Variants in CAMK2A observed in about 807,000 individuals in gnomAD.
CAMK2A encodes the protein calcium/calmodulin-dependent protein kinase type II subunit alpha.
Under a neutral mutation model 79.2 loss-of-function variants are expected in CAMK2A, and 7 were observed. That is an observed-to-expected ratio of 0.09 (90% CI 0.05 to 0.17). The LOEUF is 0.17. Ranked by LOEUF, CAMK2A falls within the 10% of genes least tolerant of loss-of-function variation. CAMK2A has a pLI of 1.00. For missense variants in CAMK2A, 214 were observed against 646.4 expected, an observed-to-expected ratio of 0.33 and a Z score of 7.25; for synonymous variants, 242 against 251.7, an observed-to-expected ratio of 0.96 and a Z score of 0.36.
Position 150,249,814 on chromosome 5 carries a change from T to C in CAMK2A, c.900+412A>G, listed in dbSNP as rs1024228229. 1.9e-4 allele frequency among the ~76,000 whole-genome samples: 29 copies of C among 152,178 alleles called. No individual in the cohort carries two copies. The East Asian group carries it at 5.2e-3, about 27-fold the overall frequency. On this transcript the variant is annotated intron_variant, in intron 11 of 18. Coordinates refer to ENST00000671881, the MANE Select transcript of CAMK2A (RefSeq NM_015981.4). Reference sequence around the variant, plus strand: ...CTGCCCACCTCAGCCTCCCAAAGTGTTGGGATTACAGGCATGAGTCACTGC... The same window carrying C: ...CTGCCCACCTCAGCCTCCCAAAGTGCTGGGATTACAGGCATGAGTCACTGC...
chr5:150,229,307 A>T (rs189533899), intron 16 of CAMK2A, among the ~76,000 whole-genome samples: 15 of 152,344 alleles, frequency 9.8e-5, no homozygotes, highest in Non-Finnish European at 1.9e-4. Flanking sequence ...GACTGTGCTC[A>T]GACCAAACGG....
intron 6 of CAMK2A, among the ~76,000 whole-genome samples, 156 bp from the exon 7 acceptor site, chr5:150,253,702 G>A (rs1755933696): frequency 6.6e-6 from 1 of 152,212 alleles, no homozygotes; most frequent in Admixed American, 6.5e-5. Context: ...TCAGGCTCCT[G>A]AGTCTCAGTC....
intron 1 of CAMK2A, among the ~76,000 whole-genome samples, chr5:150,275,720 A>G (rs1756917570): frequency 6.6e-6 from 1 of 152,186 alleles, no homozygotes; most frequent in South Asian, 2.1e-4. Context: ...GAACAGCTAG[A>G]TGAGGAGGGG....
chr5:150,282,401 C>G (rs1245794211), intron 1 of CAMK2A, among the ~76,000 whole-genome samples: 1 of 152,212 alleles, frequency 6.6e-6, no homozygotes, highest in East Asian at 1.9e-4. Context: ...TCTATTTTCT[C>G]TTTACAGTGC....
Position 150,222,045 on chromosome 5 carries a change from G to C in CAMK2A, c.*665C>G, listed in dbSNP as rs1754336283. 1 of 180,378 alleles carries C rather than the reference G, an allele frequency of 5.5e-6. No homozygotes were observed. The highest frequency in any genetic ancestry group is 1.2e-5 in the Non-Finnish European group (1 of 85,648). The allele number at this position is 180,378 out of a possible 1,614,324, so 11.2% of individuals were successfully genotyped here. ...GGGATGACGGGGGTGGGGTGGGCAG[G>C]TTAATGTTGGAGGTGGACTTCACCA... On this transcript the variant is annotated 3_prime_UTR_variant, in exon 19 of 19. Transcript: ENST00000671881.
At position 150,221,342 on chromosome 5, in the gene CAMK2A, G is replaced by T. The variant is rs1405862838; in HGVS notation, c.*1368C>A. 2.5e-6 allele frequency: 1 copy of T among 398,142 alleles called. No homozygotes were observed. The highest frequency in any genetic ancestry group is 2.1e-5 in the African/African-American group (1 of 48,542). The allele number at this position is 398,142 out of a possible 1,614,324, so 24.7% of individuals were successfully genotyped here. On this transcript the variant is annotated 3_prime_UTR_variant, in exon 19 of 19. Coordinates refer to ENST00000671881, the MANE Select transcript of CAMK2A (RefSeq NM_015981.4). ...TGCGAACCCGAGGCTGCAGGATGAG[G>T]CATGAAGAGTAGAAATTCCCAGTGC...
intron 16 of CAMK2A, among the ~76,000 whole-genome samples, chr5:150,230,980 G>A (rs1011566959): frequency 1.7e-4 from 26 of 152,172 alleles, no homozygotes; most frequent in African/African-American, 5.1e-4. Context: ...CATCTCCTGA[G>A]GAGGCCCATG....
At position 150,257,612 on chromosome 5, in the gene CAMK2A, G is replaced by T; in HGVS notation, c.223C>A (p.Leu75Ile). ...CCCTCCTCTGAGATGCTGTCATGTA[G>T]TCGGACTGTGGGCGGGGCAAGGCAG... ...RLLKHPNIVR[L>I]HDSISEEGHH... The change falls in exon 4 of 19, where the codon CTA (leucine) becomes ATA (isoleucine). Residue 75 changes from leucine (L) to isoleucine (I), a missense_variant. This residue lies in a region of CAMK2A where 72 missense variants were observed against 333.9 expected (regional missense o/e 0.22). Transcript: ENST00000671881. 1 of 1,568,714 alleles carries T rather than the reference G, an allele frequency of 6.4e-7. No homozygotes were observed. The highest frequency in any genetic ancestry group is 2.4e-5 in the East Asian group (1 of 41,960).
chr5:150,239,806 G>A (rs753956084), intron 13 of CAMK2A, 70 bp from the exon 14 acceptor site: 43 of 1,357,612 alleles, frequency 3.2e-5, no homozygotes, highest in South Asian at 1.3e-4. Context: ...GCAGAGGAAC[G>A]ACAGGGGAGG....
At chr5:150,225,413 G>A (rs1754554008) in intron 17 of CAMK2A, among the ~76,000 whole-genome samples, 1 of 152,224 alleles carries the variant, frequency 6.6e-6, no homozygotes, top group African/African-American at 2.4e-5. Context: ...CTCTGGGTCT[G>A]CCCTTGTGGG....
intron 13 of CAMK2A, among the ~76,000 whole-genome samples, chr5:150,240,089 C>A (rs1390709251): frequency 1.3e-5 from 2 of 152,196 alleles, no homozygotes; most frequent in African/African-American, 4.8e-5. Context: ...CACTGGAGGC[C>A]TCCAGAATCC....
chr5:150,251,152 A>G (rs1308165614), intron 9 of CAMK2A, among the ~76,000 whole-genome samples: 2 of 152,260 alleles, frequency 1.3e-5, no homozygotes, highest in African/African-American at 4.8e-5. Flanking sequence ...GGTAAGTCAC[A>G]TGACCTCTTG....
At chr5:150,269,169 G>A (rs982704816) in intron 2 of CAMK2A, among the ~76,000 whole-genome samples, 2 of 152,190 alleles carry the variant, frequency 1.3e-5, no homozygotes, top group African/African-American at 2.4e-5. Flanking sequence ...CCTCCTGCCT[G>A]GGGACCTGGG....
intron 3 of CAMK2A, among the ~76,000 whole-genome samples, chr5:150,260,162 G>A (rs1451668051): frequency 2.0e-5 from 3 of 150,970 alleles, no homozygotes; most frequent in Non-Finnish European, 3.0e-5. Context: ...TTTTTAAAGT[G>A]TAAATGTGTA....
At chr5:150,265,959 G>GAAAA (rs1756496158) in intron 2 of CAMK2A, among the ~76,000 whole-genome samples, 1 of 151,460 alleles carries the variant, frequency 6.6e-6, no homozygotes, top group African/African-American at 2.4e-5. Context: ...GAAAAGAAAA[G>GAAAA]AAAAAAGAAA....
chr5:150,264,561 G>GT (rs1406507119), intron 3 of CAMK2A, among the ~76,000 whole-genome samples: 1 of 152,242 alleles, frequency 6.6e-6, no homozygotes, highest in Non-Finnish European at 1.5e-5. Flanking sequence ...AGGCAGGCAG[G>GT]TGCCAGGTCG....
intron 1 of CAMK2A, among the ~76,000 whole-genome samples, chr5:150,279,643 G>A (rs573835580): frequency 9.2e-5 from 14 of 152,328 alleles, no homozygotes; most frequent in African/African-American, 2.2e-4. Context: ...CAAGGTGGAC[G>A]TGTGTGGGAG....
intron 14 of CAMK2A, 41 bp downstream of exon 14, chr5:150,239,663 G>C: frequency 6.2e-7 from 1 of 1,604,562 alleles, no homozygotes; most frequent in Non-Finnish European, 8.5e-7. Context: ...AAGGGTTCGA[G>C]GCCCAGCATT....
At chr5:150,252,747 C>A (rs138414268) in intron 7 of CAMK2A, among the ~76,000 whole-genome samples, 1 of 152,158 alleles carries the variant, frequency 6.6e-6, no homozygotes, top group African/African-American at 2.4e-5. Context: ...ACTTCATATG[C>A]CTGGTCACAT....
Sources: allele counts gnomAD v4.1 joint callset (sites outside exome capture counted in the v4.1 genomes callset), GRCh38; gene constraint gnomAD v4.1.1; regional missense constraint gnomAD v4.1.1; transcripts MANE v1.5; gene names NCBI Gene and HGNC (gene_info 2026-07-23, HGNC 2026-07-21).